STPG2: variants seen among roughly 807,000 people sequenced by gnomAD.
STPG2 encodes the protein sperm tail PG-rich repeat containing 2.
A neutral mutation model predicts 54.2 loss-of-function variants in STPG2; 56 were observed. That is an observed-to-expected ratio of 1.03 (90% CI 0.83 to 1.29). STPG2 has a LOEUF of 1.29. Among genes scored for constraint, STPG2 ranks in the 50% most tolerant of loss-of-function variants. The pLI is 0.00. For missense variants in STPG2, 596 were observed against 544.9 expected, an observed-to-expected ratio of 1.09 and a Z score of -0.93; for synonymous variants, 200 against 181.8, an observed-to-expected ratio of 1.10 and a Z score of -0.81.
At chr4:97,568,473 C>CAT (rs1181456097) in intron 10 of STPG2, among the ~76,000 whole-genome samples, 2 of 151,952 alleles carry the variant, frequency 1.3e-5, no homozygotes, top group Admixed American at 6.6e-5. Flanking sequence ...CAAGTATTGA[C>CAT]ATATATATGT....
At chr4:97,562,232 G>T (rs537544077) in intron 10 of STPG2, among the ~76,000 whole-genome samples, 1 of 152,132 alleles carries the variant, frequency 6.6e-6, no homozygotes, top group South Asian at 2.1e-4. Context: ...TCATGATTTG[G>T]CTCTCTGTTT....
At chr4:97,476,640 A>C (rs1378774203) in intron 4 of STPG2, among the ~76,000 whole-genome samples, 1 of 152,192 alleles carries the variant, frequency 6.6e-6, no homozygotes, top group Non-Finnish European at 1.5e-5. Context: ...TATGCTTGCT[A>C]TGAACATTTT....
At chr4:97,531,504 A>T (rs1047663395) in intron 4 of STPG2, among the ~76,000 whole-genome samples, 1 of 152,208 alleles carries the variant, frequency 6.6e-6, no homozygotes, top group Admixed American at 6.5e-5. Context: ...TGGTACTTAG[A>T]CACAATGGAG....
intron 5 of STPG2, among the ~76,000 whole-genome samples, chr4:98,023,211 CTGTT>C (rs1357862386): frequency 6.6e-6 from 1 of 152,152 alleles, no homozygotes; most frequent in Non-Finnish European, 1.5e-5. Flanking sequence ...GATGTCCTTT[CTGTT>C]TGTTAGTTTT....
chr4:97,492,592 G>A (rs1452241469), intron 4 of STPG2, among the ~76,000 whole-genome samples: 1 of 151,286 alleles, frequency 6.6e-6, no homozygotes, highest in African/African-American at 2.4e-5. Context: ...TCTCTTTAGG[G>A]ATTGCCTAGA....
intron 8 of STPG2, among the ~76,000 whole-genome samples, chr4:97,863,939 G>A (rs1195126148): frequency 6.6e-5 from 10 of 152,100 alleles, no homozygotes; most frequent in Non-Finnish European, 1.5e-5. Context: ...GTATTGATGG[G>A]ATGTATCTAA....
chr4:98,052,195 A>G (rs191885580), intron 5 of STPG2, among the ~76,000 whole-genome samples: 2 of 152,152 alleles, frequency 1.3e-5, no homozygotes, highest in Non-Finnish European at 2.9e-5. Flanking sequence ...GAAACCCTCT[A>G]TCCCCAGAAG....
intron 9 of STPG2, among the ~76,000 whole-genome samples, chr4:97,820,616 CTG>C (rs981424418): frequency 1.3e-5 from 2 of 152,128 alleles, no homozygotes; most frequent in African/African-American, 4.8e-5. Context: ...ATACCTGAGA[CTG>C]TGTAATTTAT....
intron 9 of STPG2, among the ~76,000 whole-genome samples, chr4:97,824,857 C>A (rs1728204913): frequency 6.6e-6 from 1 of 152,094 alleles, no homozygotes; most frequent in South Asian, 2.1e-4. Context: ...GGGAATGAGT[C>A]CTTTCTGGGT....
At chr4:97,583,301 A>C (rs1242052899) in intron 10 of STPG2, among the ~76,000 whole-genome samples, 1 of 151,986 alleles carries the variant, frequency 6.6e-6, no homozygotes, top group Non-Finnish European at 1.5e-5. Context: ...GAACAAATTA[A>C]AAGAATAGCT....
chr4:97,909,451 C>G (rs1374541933), intron 8 of STPG2, among the ~76,000 whole-genome samples: 4 of 152,000 alleles, frequency 2.6e-5, no homozygotes, highest in Non-Finnish European at 5.9e-5. Flanking sequence ...CAACACTTAC[C>G]AACTTTATGT....
chr4:97,611,214 T>C (rs1462923753), intron 10 of STPG2, among the ~76,000 whole-genome samples: 1 of 151,798 alleles, frequency 6.6e-6, no homozygotes, highest in African/African-American at 2.4e-5. Flanking sequence ...TAGGTGCTGA[T>C]AGGCTGCTAG....
intron 8 of STPG2, among the ~76,000 whole-genome samples, chr4:97,897,516 C>A (rs1324295309): frequency 6.6e-6 from 1 of 152,124 alleles, no homozygotes; most frequent in Non-Finnish European, 1.5e-5. Flanking sequence ...AATTTACACT[C>A]CCACTAACAG....
intron 10 of STPG2, among the ~76,000 whole-genome samples, chr4:97,652,034 A>G (rs1366086381): frequency 6.6e-6 from 1 of 151,920 alleles, no homozygotes; most frequent in African/African-American, 2.4e-5. Flanking sequence ...ACTGCCTGAC[A>G]TATAATAAAA....
intron 9 of STPG2, among the ~76,000 whole-genome samples, chr4:97,818,886 T>C (rs1727997258): frequency 6.7e-6 from 1 of 149,946 alleles, no homozygotes; most frequent in South Asian, 2.1e-4. Flanking sequence ...CCAAATATAA[T>C]CATTCTCAAA....
chr4:97,735,051 C>A (rs1295492723), intron 9 of STPG2, among the ~76,000 whole-genome samples: 5 of 136,550 alleles, frequency 3.7e-5, no homozygotes, highest in Admixed American at 3.2e-4. Context: ...ACAGCCTGGG[C>A]AAGAGAGCGA....
chr4:97,707,932 C>G (rs1723999678), intron 10 of STPG2, among the ~76,000 whole-genome samples: 1 of 152,096 alleles, frequency 6.6e-6, no homozygotes, highest in South Asian at 2.1e-4. Flanking sequence ...ATAGATTTTA[C>G]CAAACAAGCA....
chr4:97,813,642 G>A (rs2149098716), intron 9 of STPG2, among the ~76,000 whole-genome samples: 1 of 111,408 alleles, frequency 9.0e-6, no homozygotes, highest in South Asian at 3.2e-4. Flanking sequence ...AGGAGTTCAA[G>A]TCCAGCTTGG....
intron 4 of STPG2, among the ~76,000 whole-genome samples, chr4:97,506,660 T>C (rs1414240620): frequency 1.3e-5 from 2 of 151,976 alleles, no homozygotes; most frequent in African/African-American, 4.8e-5. Flanking sequence ...AAAGGAACCA[T>C]AGTATTCTAA....
Sources: allele counts gnomAD v4.1 joint callset (sites outside exome capture counted in the v4.1 genomes callset), GRCh38; gene constraint gnomAD v4.1.1; transcripts MANE v1.5; gene names NCBI Gene and HGNC (gene_info 2026-07-23, HGNC 2026-07-21).